Variants in SGPP1 observed in about 807,000 individuals in gnomAD.
SGPP1 encodes the protein hSPP1.
SGPP1 carries 21 observed loss-of-function variants against 33.0 expected under a neutral mutation model. The ratio of observed to expected loss-of-function variants is 0.64; its 90% CI spans 0.45 to 0.92. SGPP1 has a LOEUF of 0.92. Among genes scored for constraint, SGPP1 ranks in the 40% least tolerant of loss-of-function variants. The pLI, the probability that SGPP1 is intolerant of heterozygous loss-of-function variation, is 0.00. For missense variants in SGPP1, 543 were observed against 589.4 expected, an observed-to-expected ratio of 0.92 and a Z score of 0.81; for synonymous variants, 239 against 241.2, an observed-to-expected ratio of 0.99 and a Z score of 0.08.
intron 2 of SGPP1, among the ~76,000 whole-genome samples, chr14:63,695,979 A>T (rs1423629541): frequency 6.6e-6 from 1 of 151,844 alleles, no homozygotes; most frequent in Non-Finnish European, 1.5e-5. Flanking sequence ...CCAACTAAAC[A>T]TTTCATTTTT....
At chr14:63,724,208 G>C (rs936000172) in intron 1 of SGPP1, among the ~76,000 whole-genome samples, 12 of 152,068 alleles carry the variant, frequency 7.9e-5, no homozygotes, top group African/African-American at 2.9e-4. Flanking sequence ...TGTAAGTGAG[G>C]AATAATGAAA....
chr14:63,689,307 TTTTG>T (rs943473443), intron 2 of SGPP1, among the ~76,000 whole-genome samples: 5 of 151,992 alleles, frequency 3.3e-5, no homozygotes, highest in East Asian at 1.9e-4. Flanking sequence ...ACCTGGGATT[TTTTG>T]TTTGTTTGTT....
intron 1 of SGPP1, among the ~76,000 whole-genome samples, chr14:63,726,367 T>C (rs1320501823): frequency 2.0e-5 from 3 of 151,964 alleles, no homozygotes; most frequent in South Asian, 2.1e-4. Flanking sequence ...CAGATAAACA[T>C]TGGAAGGCCA....
intron 1 of SGPP1, among the ~76,000 whole-genome samples, chr14:63,710,584 A>G (rs184184912): frequency 6.6e-6 from 1 of 152,342 alleles, no homozygotes; most frequent in Admixed American, 6.5e-5. Context: ...AACCACAACT[A>G]TAAACAGAAC....
Position 63,686,405 on chromosome 14 carries a change from TACTAGACCCATGTTATAAGTA to T in SGPP1, c.1005_1025del (p.Thr336_Val342del). On this transcript the variant is annotated inframe_deletion, in exon 3 of 3. Transcript: ENST00000247225. ...GTAATGTATCTAGAGAAGGATCTAA[TACTAGACCCATGTTATAAGTA>T]ACATGAGATCCACATGCAATTCCAG... The T allele has an allele frequency of 6.2e-7, 1 of 1,614,192 alleles. No individual in the cohort carries two copies. The highest frequency in any genetic ancestry group is 8.5e-7 in the Non-Finnish European group (1 of 1,180,034).
chr14:63,705,655 GA>G (rs1885395506), intron 1 of SGPP1, among the ~76,000 whole-genome samples: 1 of 151,788 alleles, frequency 6.6e-6, no homozygotes, highest in Admixed American at 6.6e-5. Flanking sequence ...GTGACAAAGT[GA>G]AACCCTGTCT....
At chr14:63,727,114 G>C in intron 1 of SGPP1, 147 bp downstream of exon 1, 1 of 1,337,840 alleles carries the variant, frequency 7.5e-7, no homozygotes, top group Non-Finnish European at 9.7e-7. Context: ...TCAAAACCCA[G>C]AAAGGGCCTG....
Position 63,708,983 on chromosome 14 carries a change from A to G in SGPP1, c.685-10325T>C, listed in dbSNP as rs563111826. Among the ~76,000 whole-genome samples, 3 of 152,346 alleles carry G rather than the reference A, an allele frequency of 2.0e-5. No individual in the cohort carries two copies. In the East Asian group the frequency reaches 5.8e-4, roughly 29 times the overall value. ...GTGTTGTTTAATTTCTTTTATCCTT[A>G]GGATCAAGTAGAATATCACTCAAAT... On this transcript the variant is annotated intron_variant, in intron 1 of 2. Transcript: ENST00000247225.
At chr14:63,703,031 T>C (rs1885332712) in intron 1 of SGPP1, among the ~76,000 whole-genome samples, 1 of 152,116 alleles carries the variant, frequency 6.6e-6, no homozygotes, top group African/African-American at 2.4e-5. Context: ...TCGTGGAACA[T>C]ATCCTCTGCT....
intron 1 of SGPP1, among the ~76,000 whole-genome samples, chr14:63,726,877 T>C (rs1016255604): frequency 3.3e-5 from 5 of 152,192 alleles, no homozygotes; most frequent in Admixed American, 6.5e-5. Context: ...AGGCACCATA[T>C]ATTACGGTGA....
rs767136547 is a variant in SGPP1, at chr14:63,686,241, A to G, written c.1190T>C (p.Ile397Thr). Residue 397 changes from isoleucine (I) to threonine (T), a missense_variant, in exon 3 of 3, where the codon ATA (isoleucine) becomes ACA (threonine). Physicochemically the swap from Ile to Thr is moderately conservative, Grantham distance 89. Coordinates refer to ENST00000247225, the MANE Select transcript of SGPP1 (RefSeq NM_030791.4). ...TGCTTTTCGAATATCATCACACGGT[A>G]TATTGAAGATTTTGCAGGCTAAAGG... Reference protein sequence around the residue: ...TIPLACKIFNIPCDDIRKARQ... With the variant: ...TIPLACKIFNTPCDDIRKARQ... The G allele has an allele frequency of 1.2e-6, 2 of 1,614,142 alleles. No homozygotes were observed. The highest frequency in any genetic ancestry group is 3.3e-5 in the Admixed American group (2 of 60,014).
intron 2 of SGPP1, among the ~76,000 whole-genome samples, chr14:63,695,031 T>C (rs1885159093): frequency 6.6e-6 from 1 of 152,118 alleles, no homozygotes. Flanking sequence ...CATCTCATAA[T>C]GGCTTTTTTG....
chr14:63,722,362 A>G (rs1308782177), intron 1 of SGPP1, among the ~76,000 whole-genome samples: 11 of 110,592 alleles, frequency 9.9e-5, no homozygotes, highest in African/African-American at 5.7e-4. Flanking sequence ...GTCTCTATTG[A>G]AAAAAAAAAA....
intron 1 of SGPP1, among the ~76,000 whole-genome samples, chr14:63,725,718 G>T (rs903373928): frequency 1.4e-4 from 22 of 152,106 alleles, no homozygotes; most frequent in Non-Finnish European, 1.2e-4. Flanking sequence ...GTTAGTATGT[G>T]TCCAGAACAA....
intron 1 of SGPP1, among the ~76,000 whole-genome samples, chr14:63,710,711 T>C (rs904801414): frequency 6.6e-6 from 1 of 152,210 alleles, no homozygotes; most frequent in Non-Finnish European, 1.5e-5. Context: ...TACTTCCTCA[T>C]TGAGAAAACC....
At chr14:63,712,457 A>C (rs530988540) in intron 1 of SGPP1, among the ~76,000 whole-genome samples, 2 of 152,228 alleles carry the variant, frequency 1.3e-5, no homozygotes, top group Non-Finnish European at 2.9e-5. Flanking sequence ...GACCACAGCT[A>C]CTTGGATCAG....
At chr14:63,715,687 G>T (rs887969171) in intron 1 of SGPP1, among the ~76,000 whole-genome samples, 2 of 152,172 alleles carry the variant, frequency 1.3e-5, no homozygotes, top group African/African-American at 4.8e-5. Context: ...CAAAGAGGCT[G>T]TAATTTGCAG....
intron 1 of SGPP1, among the ~76,000 whole-genome samples, chr14:63,715,597 T>C (rs968339331): frequency 2.0e-5 from 3 of 152,156 alleles, no homozygotes; most frequent in Admixed American, 6.5e-5. Flanking sequence ...GTTTCCAGGC[T>C]GTAGCACAGG....
chr14:63,719,967 A>G (rs1885734945), intron 1 of SGPP1, among the ~76,000 whole-genome samples: 1 of 151,464 alleles, frequency 6.6e-6, no homozygotes. Flanking sequence ...ATACAAAAAA[A>G]AAAAAAAAAT....
Sources: gnomAD v4.1 joint callset for allele counts (sites outside exome capture counted in the v4.1 genomes callset) on GRCh38, gnomAD v4.1.1 for gene constraint, MANE v1.5 for transcripts, NCBI Gene and HGNC (gene_info 2026-07-23, HGNC 2026-07-21) for gene names.